Variants in NAV3 observed in about 807,000 individuals in gnomAD.
NAV3 encodes pore membrane and/or filament interacting like protein 1.
Under a neutral mutation model 244.7 loss-of-function variants are expected in NAV3, and 87 were observed. The observed-to-expected ratio is 0.36, with a 90% confidence interval of 0.30 to 0.42. The LOEUF is 0.42. NAV3 is among the 20% of genes least tolerant of loss of function. NAV3 has a pLI of 1.00. For synonymous variants in NAV3, 1,126 were observed against 1,042.2 expected, an observed-to-expected ratio of 1.08 and a Z score of -1.55; for missense variants, 2,663 against 2,893.3, an observed-to-expected ratio of 0.92 and a Z score of 1.83.
chr12:78,144,585 A>C (rs1381265540), intron 20 of NAV3, among the ~76,000 whole-genome samples: 1 of 152,160 alleles, frequency 6.6e-6, no homozygotes, highest in East Asian at 1.9e-4. Context: ...ATTGGTAGTG[A>C]AAAAAGTCAT....
At chr12:78,021,663 T>G in intron 8 of NAV3, 84 bp from the exon 9 acceptor site, 1 of 908,540 alleles carries the variant, frequency 1.1e-6, no homozygotes, top group Non-Finnish European at 1.7e-6. Flanking sequence ...AATTTGTAAT[T>G]AATATTTCTT....
At chr12:77,655,221 G>A (rs966981322) in intron 2 of NAV3, among the ~76,000 whole-genome samples, 146 of 152,166 alleles carry the variant, frequency 9.6e-4, no homozygotes, top group African/African-American at 3.2e-3. Flanking sequence ...AAATTTAGAC[G>A]AATGTATAAC....
At chr12:77,861,979 T>C (rs577650642) in intron 1 of NAV3, among the ~76,000 whole-genome samples, 1 of 151,952 alleles carries the variant, frequency 6.6e-6, no homozygotes, top group East Asian at 1.9e-4. Context: ...AAATAAATAC[T>C]ATCGAAAGTC....
At chr12:77,760,208 T>C (rs1300835015) in intron 2 of NAV3, among the ~76,000 whole-genome samples, 1 of 152,206 alleles carries the variant, frequency 6.6e-6, no homozygotes, top group Non-Finnish European at 1.5e-5. Flanking sequence ...TGAGTAGCCA[T>C]GTAAAAACTT....
intron 2 of NAV3, among the ~76,000 whole-genome samples, chr12:77,616,413 G>C (rs958114268): frequency 2.0e-5 from 3 of 151,906 alleles, no homozygotes; most frequent in African/African-American, 7.3e-5. Context: ...TGGGTATTTT[G>C]GTGCAAAAAT....
intron 9 of NAV3, among the ~76,000 whole-genome samples, chr12:78,022,851 A>G (rs1877386938): frequency 6.6e-6 from 1 of 152,156 alleles, no homozygotes; most frequent in Admixed American, 6.5e-5. Context: ...CAACATCCCA[A>G]GGGTACATTT....
At chr12:78,061,487 G>T (rs1468041110) in intron 12 of NAV3, among the ~76,000 whole-genome samples, 2 of 152,014 alleles carry the variant, frequency 1.3e-5, no homozygotes, top group South Asian at 2.1e-4. Flanking sequence ...ATTTTTAAAA[G>T]AATAATTTTA....
In NAV3 at chr12:78,134,289, T is replaced by A. The variant is rs1028714664; in HGVS notation, c.4442-2888T>A. Among the ~76,000 whole-genome samples, 5 of 152,152 alleles carry A rather than the reference T, an allele frequency of 3.3e-5. No homozygotes were observed. The South Asian group carries it at 6.2e-4, about 19-fold the overall frequency. ...AATCTCACAGTCAGAAGAGACCACA[T>A]CTGGTTCAACCCTTCATCTCTTATG... On this transcript the variant is annotated intron_variant, in intron 18 of 39. Coordinates refer to ENST00000397909, the MANE Select transcript of NAV3 (RefSeq NM_001024383.2).
At chr12:77,908,157 C>T (rs548762429) in intron 1 of NAV3, among the ~76,000 whole-genome samples, 11 of 151,874 alleles carry the variant, frequency 7.2e-5, no homozygotes, top group African/African-American at 1.2e-4. Flanking sequence ...ACAAATTATA[C>T]GTTTATTTGT....
rs187240596 is a variant in NAV3 at position 77,585,136 on chromosome 12, A to G, written c.72+12870A>G. 3.5e-3 allele frequency among the ~76,000 whole-genome samples: 539 copies of G among 152,222 alleles called. 5 individuals are homozygous for G. The highest frequency in any genetic ancestry group is 0.012 in the African/African-American group (503 of 41,534). ...ATTGCCTGACTGGTGATGCCTGTCT[A>G]TTGCTGGTCCAGGATGGTCTCAGAG... On this transcript the variant is annotated intron_variant, in intron 2 of 8. Coordinates refer to the NAV3 transcript ENST00000550042.
At chr12:77,985,025 C>A in intron 5 of NAV3, among the ~76,000 whole-genome samples, 1 of 152,136 alleles carries the variant, frequency 6.6e-6, no homozygotes, top group Admixed American at 6.5e-5. Context: ...AACGTGTTAG[C>A]CAGGATGGTC....
chr12:78,093,864 CTT>C (rs1954095277), intron 12 of NAV3, among the ~76,000 whole-genome samples: 1 of 151,990 alleles, frequency 6.6e-6, no homozygotes, highest in Non-Finnish European at 1.5e-5. Flanking sequence ...TAGGGCCTCA[CTT>C]TGTCACCCAA....
chr12:77,642,969 T>G (rs1872478740), intron 2 of NAV3, among the ~76,000 whole-genome samples: 1 of 152,078 alleles, frequency 6.6e-6, no homozygotes, highest in Admixed American at 6.6e-5. Flanking sequence ...TATAACCTCT[T>G]GTAATTTTTC....
intron 1 of NAV3, among the ~76,000 whole-genome samples, chr12:77,928,485 C>T (rs1187499501): frequency 2.6e-5 from 4 of 152,116 alleles, no homozygotes; most frequent in Admixed American, 1.3e-4. Flanking sequence ...GACCTGTTCC[C>T]GACCCCCTCC....
intron 2 of NAV3, among the ~76,000 whole-genome samples, chr12:77,693,559 T>C (rs1186330238): frequency 3.3e-5 from 5 of 152,118 alleles, no homozygotes; most frequent in African/African-American, 1.2e-4. Flanking sequence ...TTCTTGTTAC[T>C]TGCAAAGGAC....
At chr12:78,203,984 G>A (rs1960017313) in intron 38 of NAV3, among the ~76,000 whole-genome samples, 1 of 151,874 alleles carries the variant, frequency 6.6e-6, no homozygotes, top group Non-Finnish European at 1.5e-5. Flanking sequence ...CTTTAACCAG[G>A]CTATATCAGC....
intron 38 of NAV3, among the ~76,000 whole-genome samples, chr12:78,201,433 AAG>A (rs1959687247): frequency 6.6e-6 from 1 of 151,952 alleles, no homozygotes; most frequent in East Asian, 1.9e-4. Context: ...TCTAAATTCT[AAG>A]AGAGTCAGTT....
At chr12:77,748,732 G>T (rs1019903877) in intron 2 of NAV3, among the ~76,000 whole-genome samples, 1 of 152,100 alleles carries the variant, frequency 6.6e-6, no homozygotes, top group East Asian at 1.9e-4. Flanking sequence ...CTAGGGCTTG[G>T]GGGAGATGGG....
At chr12:77,934,614 G>C (rs1274214733) in intron 1 of NAV3, among the ~76,000 whole-genome samples, 1 of 152,088 alleles carries the variant, frequency 6.6e-6, no homozygotes, top group Non-Finnish European at 1.5e-5. Flanking sequence ...CTTTCCCTAA[G>C]GTATGATTTC....
Sources: allele counts gnomAD v4.1 joint callset (sites outside exome capture counted in the v4.1 genomes callset), GRCh38; gene constraint gnomAD v4.1.1; transcripts MANE v1.5; gene names NCBI Gene and HGNC (gene_info 2026-07-23, HGNC 2026-07-21).